Variants in TCFL5 observed in about 807,000 individuals in gnomAD.
The protein encoded by TCFL5 is transcription factor-like 5 protein.
A neutral mutation model predicts 44.3 loss-of-function variants in TCFL5; 9 were observed. The observed-to-expected ratio is 0.20, with a 90% confidence interval of 0.12 to 0.35. TCFL5 has a LOEUF of 0.35. TCFL5 is among the 10% of genes least tolerant of loss of function. The pLI is 1.00. For synonymous variants in TCFL5, 319 were observed against 271.6 expected, an observed-to-expected ratio of 1.17 and a Z score of -1.72; for missense variants, 603 against 613.4, an observed-to-expected ratio of 0.98 and a Z score of 0.18.
chr20:62,861,311 G>A lies in TCFL5; in HGVS notation c.360C>T (p.Cys120=). ...GCTCCTGGAAGTCGATGTGGCCCAG[G>A]CAGGGCGCGTCGGCCGCCAGCGCGG... ...CPSALAADAP[C]LGHIDFQELR... Residue 120 remains cysteine (C), a synonymous_variant, in exon 1 of 6, where the codon TGC becomes TGT. Coordinates refer to ENST00000335351, the MANE Select transcript of TCFL5 (RefSeq NM_006602.4). The surrounding 1 kb of genome is among the most constrained non-coding windows in gnomAD (Gnocchi z 4.0). 1 of 1,165,058 alleles carries A rather than the reference G, an allele frequency of 8.6e-7. No individual in the cohort carries two copies. The highest frequency in any genetic ancestry group is 1.1e-6 in the Non-Finnish European group (1 of 931,866). The allele number at this position is 1,165,058 out of a possible 1,614,324, so 72.2% of individuals were successfully genotyped here. A position where few individuals can be genotyped will look rare whatever the true frequency, so the allele number is the denominator to read the frequency against.
chr20:62,857,348 A>G, intron 4 of TCFL5, 47 bp downstream of exon 4: 1 of 1,603,910 alleles, frequency 6.2e-7, no homozygotes, highest in Non-Finnish European at 8.5e-7. Context: ...ATGTATGACT[A>G]AGGTAATCAT....
chr20:62,842,333 T>C lies in TCFL5; in HGVS notation c.1381-236A>G, dbSNP rs1307358750. Among the ~76,000 whole-genome samples the C allele has an allele frequency of 6.6e-6, 1 of 152,190 alleles. No homozygotes were observed. Among genetic ancestry groups the C allele is most frequent in the African/African-American group, 2.4e-5 (1 of 41,438 alleles). Reference sequence around the variant, plus strand: ...TGTACATGTACTTTTGTTTTTCCAATACTCAGAATGTCTGGCCACACTGTA... The same window carrying C: ...TGTACATGTACTTTTGTTTTTCCAACACTCAGAATGTCTGGCCACACTGTA... On this transcript the variant is annotated intron_variant, in intron 5 of 5. Coordinates refer to ENST00000335351, the MANE Select transcript of TCFL5 (RefSeq NM_006602.4). The surrounding 1 kb of genome is among the most constrained non-coding windows in gnomAD (Gnocchi z 4.3).
At chr20:62,856,281 AG>A (rs2063889249) in intron 4 of TCFL5, among the ~76,000 whole-genome samples, 1 of 151,214 alleles carries the variant, frequency 6.6e-6, no homozygotes, top group Admixed American at 6.6e-5. Context: ...GAAAAAGAAA[AG>A]AAAACCCAAT....
In TCFL5 at chr20:62,860,294, A is replaced by G. The variant is rs766424171; in HGVS notation, c.662T>C (p.Ile221Thr). 1.2e-6 allele frequency: 2 copies of G among 1,607,896 alleles called. No homozygotes were observed. The highest frequency in any genetic ancestry group is 3.3e-5 in the Admixed American group (2 of 59,944). The part of the protein sequence containing the change: ...GGALNNLVTL[I>T]RHPSELMNVP... ...ATTCATTAGTTCAGATGGATGTCGA[A>G]TGAGAGTTACCAAACTGCCAAGACA... Residue 221 changes from isoleucine (I) to threonine (T), a missense_variant, in exon 2 of 6, where the codon ATT becomes ACT. By Grantham distance (89) the Ile-to-Thr change is moderately conservative. Around this residue, in one of 4 missense-constraint regions of TCFL5, gnomAD observed 540 missense variants for 478.7 expected, o/e 1.13. Coordinates refer to ENST00000335351, the MANE Select transcript of TCFL5 (RefSeq NM_006602.4).
In TCFL5 at chr20:62,857,500, G is replaced by C. The variant is rs942269026; in HGVS notation, c.1133C>G (p.Ser378Cys). 2 of 1,614,128 alleles carry C rather than the reference G, an allele frequency of 1.2e-6. No homozygotes were observed. Among genetic ancestry groups the C allele is most frequent in the African/African-American group, 2.7e-5 (2 of 74,940 alleles). Residue 378 changes from serine to cysteine, a missense_variant, in exon 4 of 6, where the codon TCC (serine) becomes TGC (cysteine). Ser to Cys is a moderately radical substitution (Grantham distance 112, BLOSUM62 -1). Transcript: ENST00000335351. The part of the protein sequence containing the change: ...GATATQGAWQ[S>C]SESSQANLGE... Reference sequence around the variant, plus strand: ...CAGGTTTGCCTGTGAGGACTCCGAGGACTGCCAAGCGCCTTGTGTGGCGGT... The same window carrying C: ...CAGGTTTGCCTGTGAGGACTCCGAGCACTGCCAAGCGCCTTGTGTGGCGGT...
chr20:62,843,982 A>T (rs2063708052), intron 5 of TCFL5, among the ~76,000 whole-genome samples: 1 of 152,298 alleles, frequency 6.6e-6, no homozygotes, highest in East Asian at 1.9e-4. Flanking sequence ...TTGTTTACTC[A>T]TTCCTCTGCT....
chr20:62,854,304 C>A, intron 4 of TCFL5, 147 bp from the exon 5 acceptor site: 1 of 1,055,600 alleles, frequency 9.5e-7, no homozygotes. Context: ...CCACAGGAAG[C>A]CCCACGGCTT....
Position 62,849,715 on chromosome 20 carries a change from T to C in TCFL5, c.1380+4301A>G, listed in dbSNP as rs940780021. Reference sequence around the variant, plus strand: ...GGCTCATGCTTGTAATCCCAGCACTTTGGAAGGCTGAGGCAGGAGGATCAC... The same window carrying C: ...GGCTCATGCTTGTAATCCCAGCACTCTGGAAGGCTGAGGCAGGAGGATCAC... On this transcript the variant is annotated intron_variant, in intron 5 of 5. Coordinates refer to ENST00000335351, the MANE Select transcript of TCFL5 (RefSeq NM_006602.4). Among the ~76,000 whole-genome samples, 4 of 152,058 alleles carry C rather than the reference T, an allele frequency of 2.6e-5. No homozygotes were observed. In the South Asian group the frequency reaches 8.3e-4, roughly 32 times the overall value.
rs1404478734 is a variant in TCFL5 at position 62,857,530 on chromosome 20, C to T, written c.1103G>A (p.Gly368Asp). The part of the protein sequence containing the change: ...ALGEIQNVGE[G>D]ATATQGAWQS... ...CCAAGCGCCTTGTGTGGCGGTGGCACCTTCGCCCACATTCTGAATCTCTCC... is the reference window on the plus strand; with the variant it reads ...CCAAGCGCCTTGTGTGGCGGTGGCATCTTCGCCCACATTCTGAATCTCTCC... Residue 368 changes from glycine (G) to aspartate (D), a missense_variant, in exon 4 of 6, where the codon GGT becomes GAT. This residue lies in a region of TCFL5 where 540 missense variants were observed against 478.7 expected (regional missense o/e 1.13). Coordinates refer to ENST00000335351, the MANE Select transcript of TCFL5 (RefSeq NM_006602.4). 3 of 1,614,240 alleles carry T rather than the reference C, an allele frequency of 1.9e-6. No homozygotes were observed. In the East Asian group the frequency reaches 6.7e-5, roughly 36 times the overall value.
rs2064015117 is a variant in TCFL5, at chr20:62,861,679, G to C, written c.-9C>G. 2 of 525,378 alleles carry C rather than the reference G, an allele frequency of 3.8e-6. No homozygotes were observed. Among genetic ancestry groups the C allele is most frequent in the Non-Finnish European group, 4.9e-6 (2 of 412,248 alleles). 32.5% of individuals were successfully genotyped at this position (525,378 alleles called of 1,614,324 possible). On this transcript the variant is annotated 5_prime_UTR_variant, in exon 1 of 6. Transcript: ENST00000335351. This position sits in a 1 kb window ranked among gnomAD's most constrained non-coding sequence, Gnocchi z 4.0. The stretch of plus-strand genomic sequence containing the variant: ...GGTCCGGGGCCCGACATGGCGGCGC[G>C]GCGCGGCCCAACGGCGGCGAGGGCG...
chr20:62,855,346 A>C (rs2063871615), intron 4 of TCFL5, among the ~76,000 whole-genome samples: 1 of 152,106 alleles, frequency 6.6e-6, no homozygotes, highest in African/African-American at 2.4e-5. Flanking sequence ...GTTTTTCTTT[A>C]GAGACGGGGA....
rs2063685152 is a variant in TCFL5 at position 62,842,032 on chromosome 20, C to T, written c.1446G>A (p.Leu482=). The T allele has an allele frequency of 1.2e-6, 2 of 1,614,090 alleles. No individual in the cohort carries two copies. The highest frequency in any genetic ancestry group is 1.7e-5 in the Admixed American group (1 of 60,008). ...RRLKLTRPDS[L]VTCPAQGSLQ... Reference sequence around the variant, plus strand: ...AACTCCCCTGTGCAGGACAGGTCACCAAGGAGTCCGGTCTGGTCAGCTTTA... The same window carrying T: ...AACTCCCCTGTGCAGGACAGGTCACTAAGGAGTCCGGTCTGGTCAGCTTTA... The change falls in exon 6 of 6, where the codon TTG becomes TTA. Residue 482 remains leucine, a synonymous_variant. Coordinates refer to ENST00000335351, the MANE Select transcript of TCFL5 (RefSeq NM_006602.4). The surrounding 1 kb of genome is among the most constrained non-coding windows in gnomAD (Gnocchi z 4.3).
intron 5 of TCFL5, among the ~76,000 whole-genome samples, chr20:62,848,784 T>C (rs1030515482): frequency 6.6e-6 from 1 of 151,846 alleles, no homozygotes; most frequent in African/African-American, 2.4e-5. Flanking sequence ...AGGCCTGTAA[T>C]CCCAGCACTT....
chr20:62,861,394 CGCCCGCGCCTGCGCCCGG>C lies in TCFL5; in HGVS notation c.259_276del (p.Pro87_Gly92del). On this transcript the variant is annotated inframe_deletion, in exon 1 of 6. Coordinates refer to ENST00000335351, the MANE Select transcript of TCFL5 (RefSeq NM_006602.4). This position sits in a 1 kb window ranked among gnomAD's most constrained non-coding sequence, Gnocchi z 4.0. ...CCCCCCTGACCGCCCGCCGCGAAGC[CGCCCGCGCCTGCGCCCGG>C]GCCCGCCGCCGCCAGCAGCGCCGAG... 9.2e-7 allele frequency: 1 copy of C among 1,081,146 alleles called. No homozygotes were observed. Among genetic ancestry groups the C allele is most frequent in the Non-Finnish European group, 1.1e-6 (1 of 895,178 alleles). 67.0% of individuals were successfully genotyped at this position (1,081,146 alleles called of 1,614,324 possible).
chr20:62,848,609 G>A (rs968520279), intron 5 of TCFL5, among the ~76,000 whole-genome samples: 2 of 151,182 alleles, frequency 1.3e-5, no homozygotes, highest in African/African-American at 2.4e-5. Flanking sequence ...GTGGTGGGAT[G>A]CGTTTGTAAT....
At chr20:62,845,137 TGGATA>T in intron 5 of TCFL5, 1 of 964,282 alleles carries the variant, frequency 1.0e-6, no homozygotes, top group South Asian at 4.8e-5. Flanking sequence ...TTTTTTTTTT[TGGATA>T]TGGAGTTTCA....
Position 62,849,537 on chromosome 20 carries a change from A to G in TCFL5, c.1380+4479T>C, listed in dbSNP as rs191029662. On this transcript the variant is annotated intron_variant, in intron 5 of 5. Transcript: ENST00000335351. ...TGCATAATCCATGGCTGGGTGCTGGACTGTGGAAAAAAACAGCTATGAAAG... is the reference window on the plus strand; with the variant it reads ...TGCATAATCCATGGCTGGGTGCTGGGCTGTGGAAAAAAACAGCTATGAAAG... 1.0e-3 allele frequency among the ~76,000 whole-genome samples: 159 copies of G among 152,064 alleles called. 1 individual carries two copies. Among genetic ancestry groups the G allele is most frequent in the African/African-American group, 3.8e-3 (157 of 41,504 alleles).
At position 62,850,536 on chromosome 20, in the gene TCFL5, G is replaced by A. The variant is rs189851919; in HGVS notation, c.1380+3480C>T. Among the ~76,000 whole-genome samples, 27 of 151,840 alleles carry A rather than the reference G, an allele frequency of 1.8e-4. 1 individual carries two copies. In the South Asian group the frequency reaches 2.7e-3, roughly 15 times the overall value. On this transcript the variant is annotated intron_variant, in intron 5 of 5. Transcript: ENST00000335351. ...CCTTGTGCCTTTCCTCCTCCCCAGC[G>A]CCGCCCCCTGGCAGCCATCGCCCGG...
At position 62,860,059 on chromosome 20, in the gene TCFL5, C is replaced by T. The variant is rs931031853; in HGVS notation, c.831+66G>A. ...GGAAAAAAAAGTACTTGGGACCTAACCAAAATAAGTTAAAATTTACCCATT... is the reference window on the plus strand; with the variant it reads ...GGAAAAAAAAGTACTTGGGACCTAATCAAAATAAGTTAAAATTTACCCATT... On this transcript the variant is annotated intron_variant, in intron 2 of 5. Coordinates refer to ENST00000335351, the MANE Select transcript of TCFL5 (RefSeq NM_006602.4). 80 of 1,511,302 alleles carry T rather than the reference C, an allele frequency of 5.3e-5. No individual in the cohort carries two copies. In the African/African-American group the frequency reaches 8.1e-4, roughly 15 times the overall value. The allele number at this position is 1,511,302 out of a possible 1,614,324, so 93.6% of individuals were successfully genotyped here.
Sources: allele counts gnomAD v4.1 joint callset (sites outside exome capture counted in the v4.1 genomes callset), GRCh38; gene constraint gnomAD v4.1.1; regional missense constraint gnomAD v4.1.1; non-coding constraint Gnocchi (gnomAD v3.1); transcripts MANE v1.5; gene names NCBI Gene and HGNC (gene_info 2026-07-23, HGNC 2026-07-21).